RSBN1L: variants seen among roughly 807,000 people sequenced by gnomAD.
RSBN1L encodes the protein round spermatid basic protein 1 like.
A neutral mutation model predicts 67.7 loss-of-function variants in RSBN1L; 30 were observed. The ratio of observed to expected loss-of-function variants is 0.44; its 90% confidence interval spans 0.33 to 0.60. The LOEUF is 0.60. Ranked by LOEUF, RSBN1L falls within the 20% of genes least tolerant of loss-of-function variation. The pLI is 0.02. For synonymous variants in RSBN1L, 433 were observed against 387.0 expected (o/e 1.12, Z -1.39); for missense variants, 992 against 1,031.7 (o/e 0.96, Z 0.53).
intron 1 of RSBN1L, among the ~76,000 whole-genome samples, chr7:77,725,587 T>C (rs1791191172): frequency 6.6e-6 from 1 of 151,550 alleles, no homozygotes; most frequent in African/African-American, 2.4e-5. Flanking sequence ...TTTACATATG[T>C]ACATATGTAA....
At chr7:77,738,624 A>G (rs1791366959) in intron 2 of RSBN1L, among the ~76,000 whole-genome samples, 2 of 152,182 alleles carry the variant, frequency 1.3e-5, no homozygotes, top group Non-Finnish European at 1.5e-5. Context: ...TCTTGTAAGT[A>G]TGTATGAGAG....
At position 77,709,060 on chromosome 7, in the gene RSBN1L, T is replaced by C. The variant is rs192445544; in HGVS notation, c.586+12005T>C. Among the ~76,000 whole-genome samples the C allele has an allele frequency of 3.3e-5, 5 of 152,290 alleles. No individual in the cohort carries two copies. In the East Asian group the frequency reaches 9.6e-4, roughly 29 times the overall value. ...GTTTGAAATGTAGGCAGGTACCTTA[T>C]ATTAGAGTTTTGTTATCAGATAGAA... is the stretch of plus-strand genomic sequence containing the variant. On this transcript the variant is annotated intron_variant, in intron 1 of 7. Transcript: ENST00000334955.
At chr7:77,728,476 T>G (rs1791234528) in intron 1 of RSBN1L, among the ~76,000 whole-genome samples, 1 of 152,218 alleles carries the variant, frequency 6.6e-6, no homozygotes, top group Non-Finnish European at 1.5e-5. Flanking sequence ...TAGTACATTT[T>G]AAAAAGTCAC....
chr7:77,768,865 T>A, intron 5 of RSBN1L, 62 bp downstream of exon 5: 1 of 1,459,168 alleles, frequency 6.9e-7, no homozygotes, highest in South Asian at 1.2e-5. Flanking sequence ...GTGTGTATGT[T>A]AGTTGAAAAT....
intron 1 of RSBN1L, among the ~76,000 whole-genome samples, chr7:77,716,504 A>G (rs1791050349): frequency 6.7e-6 from 1 of 148,984 alleles, no homozygotes; most frequent in Admixed American, 6.7e-5. Flanking sequence ...TATTCTGTAA[A>G]GTTCTTCTAC....
intron 2 of RSBN1L, among the ~76,000 whole-genome samples, chr7:77,744,513 G>A (rs562634747): frequency 1.5e-4 from 23 of 151,772 alleles, no homozygotes; most frequent in Non-Finnish European, 2.5e-4. Flanking sequence ...TCTCACTCTC[G>A]TCACCCAGTT....
chr7:77,779,319 C>A lies in RSBN1L; in HGVS notation c.*151C>A, dbSNP rs910810160. 1 of 620,974 alleles carries A rather than the reference C, an allele frequency of 1.6e-6. No homozygotes were observed. The highest frequency in any genetic ancestry group is 2.8e-6 in the Non-Finnish European group (1 of 355,462). 38.5% of individuals were successfully genotyped at this position (620,974 alleles called of 1,614,324 possible). ...AACATTCCTCAGTGCCTGTCCATAA[C>A]TGTGAAGTATTAAGCACTTAGGGCC... On this transcript the variant is annotated 3_prime_UTR_variant, in exon 8 of 8. Coordinates refer to ENST00000334955, the MANE Select transcript of RSBN1L (RefSeq NM_198467.3).
intron 3 of RSBN1L, among the ~76,000 whole-genome samples, chr7:77,763,261 G>A (rs182567014): frequency 4.7e-5 from 7 of 149,078 alleles, no homozygotes; most frequent in African/African-American, 1.2e-4. Context: ...TTACAGTTTC[G>A]TGTCACCACC....
At chr7:77,755,430 C>T (rs1053916867) in intron 3 of RSBN1L, among the ~76,000 whole-genome samples, 13 of 151,942 alleles carry the variant, frequency 8.6e-5, no homozygotes, top group African/African-American at 1.7e-4. Context: ...TGTGGGAGGC[C>T]GAGGCAGTCG....
Position 77,768,690 on chromosome 7 carries a change from T to G in RSBN1L, c.1512T>G (p.Ser504Arg), listed in dbSNP as rs1192933394. Residue 504 changes from serine to arginine, a missense_variant, in exon 5 of 8, where the codon AGT becomes AGG. Ser to Arg is a moderately radical substitution (Grantham distance 110). Transcript: ENST00000334955. ...CACTGCCATGGGGGACGCTATCTAGTCTAAAATTACAGAGTCGAAAAGATA... is the reference window on the plus strand; with the variant it reads ...CACTGCCATGGGGGACGCTATCTAGGCTAAAATTACAGAGTCGAAAAGATA... Reference protein sequence around the residue: ...KCTLPWGTLSSLKLQSRKDSD... With the variant: ...KCTLPWGTLSRLKLQSRKDSD... 2 of 1,613,810 alleles carry G rather than the reference T, an allele frequency of 1.2e-6. No homozygotes were observed. Among genetic ancestry groups the G allele is most frequent in the Non-Finnish European group, 1.7e-6 (2 of 1,179,812 alleles).
intron 5 of RSBN1L, among the ~76,000 whole-genome samples, chr7:77,769,737 G>A (rs1028085227): frequency 6.6e-6 from 1 of 152,084 alleles, no homozygotes; most frequent in African/African-American, 2.4e-5. Context: ...ATAACCTCAG[G>A]TAGTTAAGTT....
At position 77,696,495 on chromosome 7, in the gene RSBN1L, A is replaced by T. The variant is rs778046888; in HGVS notation, c.26A>T (p.His9Leu). The change falls in exon 1 of 8, where the codon CAC becomes CTC. Residue 9 changes from histidine (H) to leucine (L), a missense_variant. Physicochemically the swap from His to Leu is moderately conservative, Grantham distance 99 (BLOSUM62 -3). Transcript: ENST00000334955. Reference protein sequence around the residue: MAEPPSPVHCVAAAAPTAT... With the variant: MAEPPSPVLCVAAAAPTAT... ...ATGGCGGAACCGCCGAGCCCCGTGC[A>T]CTGTGTCGCTGCCGCGGCCCCCACC... The T allele has an allele frequency of 1.4e-5, 23 of 1,613,112 alleles. No homozygotes were observed. In the Admixed American group the frequency reaches 3.7e-4, roughly 26 times the overall value.
intron 1 of RSBN1L, among the ~76,000 whole-genome samples, chr7:77,703,476 G>GTTTTTTTT (rs1562792479): frequency 7.9e-5 from 8 of 101,552 alleles, no homozygotes; most frequent in African/African-American, 2.8e-4. Context: ...CTACTGTTTG[G>GTTTTTTTT]GTTTTTTTTT....
chr7:77,754,086 A>G (rs1325412123), intron 3 of RSBN1L, among the ~76,000 whole-genome samples: 2 of 152,162 alleles, frequency 1.3e-5, no homozygotes, highest in Middle Eastern at 3.2e-3. Context: ...CAGCCAGGCT[A>G]GAGTGCAATG....
intron 6 of RSBN1L, among the ~76,000 whole-genome samples, chr7:77,775,422 G>T (rs1454772742): frequency 6.6e-6 from 1 of 152,044 alleles, no homozygotes; most frequent in Non-Finnish European, 1.5e-5. Flanking sequence ...CCAGCTATTT[G>T]GGAGGCTGAG....
intron 1 of RSBN1L, among the ~76,000 whole-genome samples, chr7:77,728,439 T>C (rs981820156): frequency 1.3e-5 from 2 of 152,230 alleles, no homozygotes; most frequent in African/African-American, 4.8e-5. Context: ...GTAATCTGTT[T>C]ATTTTTTACT....
intron 1 of RSBN1L, among the ~76,000 whole-genome samples, chr7:77,698,450 G>T (rs1260482233): frequency 6.6e-6 from 1 of 152,154 alleles, no homozygotes; most frequent in Non-Finnish European, 1.5e-5. Flanking sequence ...TAGTGTTTGT[G>T]GTGTGTAAAC....
chr7:77,723,024 G>C (rs565054345), intron 1 of RSBN1L, among the ~76,000 whole-genome samples: 1 of 146,840 alleles, frequency 6.8e-6, no homozygotes, highest in African/African-American at 2.5e-5. Context: ...CTGGAGTACA[G>C]TGGTGCAATC....
At chr7:77,752,334 G>C (rs1047367034) in intron 3 of RSBN1L, among the ~76,000 whole-genome samples, 4 of 152,168 alleles carry the variant, frequency 2.6e-5, no homozygotes, top group Non-Finnish European at 5.9e-5. Flanking sequence ...GACTACTTTT[G>C]CTTCTTTAGC....
Sources: gnomAD v4.1 joint callset for allele counts (sites outside exome capture counted in the v4.1 genomes callset) on GRCh38, gnomAD v4.1.1 for gene constraint, MANE v1.5 for transcripts, NCBI Gene and HGNC (gene_info 2026-07-23, HGNC 2026-07-21) for gene names.